Variants in MGST1 observed in about 807,000 individuals in gnomAD.
MGST1 encodes microsomal glutathione S-transferase 1.
A neutral mutation model predicts 8.9 loss-of-function variants in MGST1; 5 were observed. The observed-to-expected ratio is 0.56, with a 90% CI of 0.29 to 1.19. The LOEUF is 1.19. Among genes scored for constraint, MGST1 ranks in the 50% most tolerant of loss-of-function variants. The pLI, the probability that MGST1 is intolerant of heterozygous loss-of-function variation, is 0.08. For synonymous variants in MGST1, 54 were observed against 67.8 expected (o/e 0.80, Z 1.00); for missense variants, 182 against 187.4 (o/e 0.97, Z 0.17).
At chr12:16,415,192 C>T (rs7978009) in intron 1 of MGST1, among the ~76,000 whole-genome samples, 83,823 of 152,034 alleles carry the variant, frequency 0.55, 24,657 homozygotes, top group East Asian at 0.87. Flanking sequence ...ACTCTTCCTA[C>T]ATTTCTTGAC....
At chr12:16,471,746 G>A (rs1941290573) in intron 4 of MGST1, among the ~76,000 whole-genome samples, 3 of 152,156 alleles carry the variant, frequency 2.0e-5, no homozygotes, top group Admixed American at 2.0e-4. Context: ...TATGCTGGGT[G>A]ATTAATAGGT....
downstream of MGST1, among the ~76,000 whole-genome samples, chr12:16,365,735 G>A (rs9332955): frequency 0.019 from 2,053 of 110,260 alleles, 26 homozygotes; most frequent in South Asian, 0.059. Flanking sequence ...ACATGCACGC[G>A]TGCACGCGCA....
rs1167716111 is a variant in MGST1, at chr12:16,544,263, C to CACACACACACAA, written n.483-45264_483-45263insCACACACACAAA. 1.3e-4 allele frequency among the ~76,000 whole-genome samples: 19 copies of CACACACACACAA among 147,602 alleles called. No individual in the cohort carries two copies. The highest frequency in any genetic ancestry group is 4.5e-4 in the African/African-American group (18 of 40,132). On this transcript the variant is annotated intron_variant and non_coding_transcript_variant, in intron 4 of 4. Transcript: ENST00000538857. This position sits in a 1 kb window ranked among gnomAD's most constrained non-coding sequence, Gnocchi z 4.8. ...ACACACACACACACACACACACACA[C>CACACACACACAA]AAAACATAACCTACTAGTCAATCTG...
chr12:16,383,942 A>T (rs892446365), intron 1 of MGST1, among the ~76,000 whole-genome samples: 13 of 152,292 alleles, frequency 8.5e-5, no homozygotes, highest in Middle Eastern at 3.4e-3. Context: ...TTTTTCATTA[A>T]CACTATGCCC....
At chr12:16,472,508 GT>G (rs1020268660) in intron 4 of MGST1, among the ~76,000 whole-genome samples, 9 of 149,980 alleles carry the variant, frequency 6.0e-5, no homozygotes, top group Non-Finnish European at 1.2e-4. Context: ...TCAGCAAAAT[GT>G]TTTCAGTTTT....
intron 4 of MGST1, among the ~76,000 whole-genome samples, chr12:16,490,909 C>G (rs1264011936): frequency 6.6e-6 from 1 of 152,088 alleles, no homozygotes; most frequent in Non-Finnish European, 1.5e-5. Flanking sequence ...TAAGTACTTT[C>G]AAGATCTGAA....
intron 4 of MGST1, among the ~76,000 whole-genome samples, chr12:16,449,300 G>C (rs1941109809): frequency 6.6e-6 from 1 of 151,778 alleles, no homozygotes; most frequent in Non-Finnish European, 1.5e-5. Flanking sequence ...GAGTAGAGAG[G>C]TGCCATACAC....
Position 16,401,735 on chromosome 12 carries a change from T to C in MGST1, n.778+18131T>C. 6 of 1,600,740 alleles carry C rather than the reference T, an allele frequency of 3.7e-6. No homozygotes were observed. Among genetic ancestry groups the C allele is most frequent in the Non-Finnish European group, 5.1e-6 (6 of 1,167,800 alleles). On this transcript the variant is annotated intron_variant and non_coding_transcript_variant, in intron 1 of 1. Transcript: ENST00000359720. This position sits in a 1 kb window ranked among gnomAD's most constrained non-coding sequence, Gnocchi z 4.3. ...TAGAAGGGTCTGCCCCAGCAAGGTA[T>C]TTTTTCTCTTCAACGGCCTTTTCCA...
chr12:16,396,204 T>A (rs142101790), intron 1 of MGST1, among the ~76,000 whole-genome samples: 1 of 152,304 alleles, frequency 6.6e-6, no homozygotes, highest in African/African-American at 2.4e-5. Flanking sequence ...TCTCAATAGA[T>A]GCAGAAAAAG....
intron 4 of MGST1, among the ~76,000 whole-genome samples, chr12:16,485,006 A>G (rs1171141342): frequency 2.0e-5 from 3 of 152,194 alleles, no homozygotes; most frequent in Non-Finnish European, 4.4e-5. Context: ...TCATTACTAC[A>G]TCAAAATCGT....
chr12:16,588,097 T>C (rs1943377037), intron 4 of MGST1, among the ~76,000 whole-genome samples: 2 of 152,098 alleles, frequency 1.3e-5, no homozygotes, highest in African/African-American at 4.8e-5. Flanking sequence ...AAAAAGCTAC[T>C]AAGACATAGT....
chr12:16,501,550 A>G (rs186942736), intron 4 of MGST1, among the ~76,000 whole-genome samples: 34 of 152,318 alleles, frequency 2.2e-4, no homozygotes, highest in African/African-American at 8.2e-4. Flanking sequence ...CCTGGTCAAC[A>G]ATGAAGGCTT....
At chr12:16,448,275 G>T (rs1941098304) in intron 4 of MGST1, among the ~76,000 whole-genome samples, 1 of 151,776 alleles carries the variant, frequency 6.6e-6, no homozygotes, top group Admixed American at 6.6e-5. Context: ...TAACAAAGAA[G>T]AGATTGTATG....
intron 4 of MGST1, among the ~76,000 whole-genome samples, chr12:16,522,533 C>T (rs767823454): frequency 1.3e-4 from 20 of 151,922 alleles, no homozygotes; most frequent in Non-Finnish European, 1.9e-4. Flanking sequence ...CTAGGGAAAT[C>T]ATTACTTGCC....
Position 16,463,809 on chromosome 12 carries a change from C to T in MGST1, n.482+80205C>T, listed in dbSNP as rs142361536. 2.5e-3 allele frequency among the ~76,000 whole-genome samples: 378 copies of T among 152,288 alleles called. 1 individual carries two copies. The highest frequency in any genetic ancestry group is 8.3e-3 in the African/African-American group (347 of 41,560). ...ATAAGCCTGTTTTGTTGTCTAAGTA[C>T]AGCTCATCTTTGCTTCTGCCTCTTG... On this transcript the variant is annotated intron_variant and non_coding_transcript_variant, in intron 4 of 4. Coordinates refer to the MGST1 transcript ENST00000538857.
At chr12:16,492,737 T>C (rs1195351951) in intron 4 of MGST1, among the ~76,000 whole-genome samples, 3 of 152,212 alleles carry the variant, frequency 2.0e-5, no homozygotes, top group East Asian at 1.9e-4. Flanking sequence ...TTGAACTTTA[T>C]ATTTATATGC....
At position 16,503,929 on chromosome 12, in the gene MGST1, C is replaced by T. The variant is rs576992432; in HGVS notation, n.483-85599C>T. On this transcript the variant is annotated intron_variant and non_coding_transcript_variant, in intron 4 of 4. Transcript: ENST00000538857. This position sits in a 1 kb window ranked among gnomAD's most constrained non-coding sequence, Gnocchi z 4.8. ...TGGGGTAGCCCTGCTCTGCAAGGCA[C>T]AGTACCTCCGGTGCTGCTGTATGCT... Among the ~76,000 whole-genome samples, 1 of 152,236 alleles carries T rather than the reference C, an allele frequency of 6.6e-6. No homozygotes were observed. Among genetic ancestry groups the T allele is most frequent in the Non-Finnish European group, 1.5e-5 (1 of 68,038 alleles).
chr12:16,434,641 C>T (rs1464849661), intron 1 of MGST1, among the ~76,000 whole-genome samples: 1 of 151,928 alleles, frequency 6.6e-6, no homozygotes, highest in African/African-American at 2.4e-5. Context: ...TCCTTTGCTC[C>T]CCTTCTACCT....
At chr12:16,395,790 T>TACACACACACACACACACAC (rs1223679635) in intron 1 of MGST1, among the ~76,000 whole-genome samples, 1 of 123,618 alleles carries the variant, frequency 8.1e-6, no homozygotes, top group Non-Finnish European at 1.6e-5. Flanking sequence ...CATATATATA[T>TACACACACACACACACACAC]ATATATATAT....
Sources: allele counts gnomAD v4.1 joint callset (sites outside exome capture counted in the v4.1 genomes callset), GRCh38; gene constraint gnomAD v4.1.1; non-coding constraint Gnocchi (gnomAD v3.1); transcripts MANE v1.5; gene names NCBI Gene and HGNC (gene_info 2026-07-23, HGNC 2026-07-21).